Variants in FRY observed in about 807,000 individuals in gnomAD.
FRY encodes FRY microtubule binding protein.
Under a neutral mutation model 348.4 loss-of-function variants are expected in FRY, and 128 were observed. That is an observed-to-expected ratio of 0.37 (90% CI 0.32 to 0.43). The LOEUF is 0.43. Among genes scored for constraint, FRY ranks in the 20% least tolerant of loss-of-function variants. FRY has a pLI of 1.00. For synonymous variants in FRY, 1,370 were observed against 1,374.7 expected, an observed-to-expected ratio of 1.00 and a Z score of 0.08; for missense variants, 2,736 against 3,695.2, an observed-to-expected ratio of 0.74 and a Z score of 6.73.
At chr13:32,042,034 A>G (rs1285932619) in intron 1 of FRY, among the ~76,000 whole-genome samples, 1 of 152,252 alleles carries the variant, frequency 6.6e-6, no homozygotes, top group Non-Finnish European at 1.5e-5. Flanking sequence ...AATCCATTTT[A>G]TCTTAGCTTC....
At chr13:32,169,126 A>G (rs993150931) in intron 17 of FRY, among the ~76,000 whole-genome samples, 1 of 152,136 alleles carries the variant, frequency 6.6e-6, no homozygotes, top group Non-Finnish European at 1.5e-5. Context: ...CTGAGTTCTA[A>G]ATATCTTTGG....
In FRY at chr13:32,185,047, G is replaced by T; in HGVS notation, c.3218G>T (p.Arg1073Leu). 1 of 1,613,070 alleles carries T rather than the reference G, an allele frequency of 6.2e-7. No homozygotes were observed. The highest frequency in any genetic ancestry group is 8.5e-7 in the Non-Finnish European group (1 of 1,179,116). The change falls in exon 26 of 61, where the codon CGC (arginine) becomes CTC (leucine). Residue 1073 changes from arginine to leucine, a missense_variant. Physicochemically the swap from Arg to Leu is moderately radical, Grantham distance 102. Around this residue, in one of 9 missense-constraint regions of FRY, gnomAD observed 449 missense variants for 576.9 expected, o/e 0.78. Coordinates refer to ENST00000542859, the MANE Select transcript of FRY (RefSeq NM_023037.3). ...ALFLEYVDLT[R>L]MLLEAENDKE... The stretch of plus-strand genomic sequence containing the variant: ...TTCTTAGAATATGTGGACTTGACCC[G>T]CATGCTCCTAGAAGCTGAAAATGAC...
At chr13:32,292,517 G>A (rs994807722) in intron 59 of FRY, among the ~76,000 whole-genome samples, 1 of 152,026 alleles carries the variant, frequency 6.6e-6, no homozygotes, top group Non-Finnish European at 1.5e-5. Flanking sequence ...ACTTTGGCAG[G>A]GTGCGGTGGC....
Position 32,079,047 on chromosome 13 carries a change from G to A in FRY, c.270+14G>A, listed in dbSNP as rs545616571. 2.0e-5 allele frequency: 31 copies of A among 1,573,030 alleles called. No homozygotes were observed. The highest frequency in any genetic ancestry group is 5.4e-5 in the African/African-American group (4 of 74,038). ...GCAGAGCCCCTGGTGAGTACATGCC[G>A]TGGAAACTGCCTCTTTGAAAATTCA... On this transcript the variant is annotated intron_variant, in intron 2 of 60. Coordinates refer to ENST00000542859, the MANE Select transcript of FRY (RefSeq NM_023037.3).
chr13:32,157,209 G>T (rs2138165593), intron 15 of FRY, 64 bp from the exon 16 acceptor site: 2 of 1,475,554 alleles, frequency 1.4e-6, no homozygotes, highest in South Asian at 2.3e-5. Flanking sequence ...TATAGAGGAT[G>T]AATAAATCAG....
chr13:32,102,114 T>C (rs1178745909), intron 3 of FRY, 98 bp downstream of exon 3: 1 of 778,620 alleles, frequency 1.3e-6, no homozygotes, highest in Non-Finnish European at 2.4e-6. Context: ...ATGAACATCC[T>C]CAAAAAGTAT....
At chr13:32,218,357 C>T (rs998353311) in intron 35 of FRY, among the ~76,000 whole-genome samples, 1 of 152,164 alleles carries the variant, frequency 6.6e-6, no homozygotes, top group African/African-American at 2.4e-5. Flanking sequence ...AGCTGAAAAA[C>T]CAACTGCTAA....
intron 33 of FRY, 140 bp from the exon 34 acceptor site, chr13:32,210,726 C>T (rs1266855334): frequency 4.1e-6 from 3 of 731,600 alleles, no homozygotes; most frequent in Admixed American, 2.0e-5. Flanking sequence ...CTTGGTCCAT[C>T]CTAGGATAGC....
At position 32,110,334 on chromosome 13, in the gene FRY, G is replaced by A. The variant is rs17077088; in HGVS notation, c.325-7000G>A. Among the ~76,000 whole-genome samples the A allele has an allele frequency of 8.0e-3, 1,214 of 152,142 alleles. 14 individuals carry two copies. The highest frequency in any genetic ancestry group is 0.028 in the African/African-American group (1,153 of 41,510). ...ATTTTACCTTCAAGTGGTTTTCTTCGTTGTACAGACATCTTTTTACAATAA... is the reference window on the plus strand; with the variant it reads ...ATTTTACCTTCAAGTGGTTTTCTTCATTGTACAGACATCTTTTTACAATAA... On this transcript the variant is annotated intron_variant, in intron 3 of 60. Transcript: ENST00000542859.
intron 50 of FRY, 176 bp from the exon 51 acceptor site, chr13:32,254,048 G>A (rs919596788): frequency 3.0e-6 from 2 of 663,190 alleles, no homozygotes; most frequent in Non-Finnish European, 5.3e-6. Flanking sequence ...TTTGCCACGA[G>A]TTTAATCTGA....
rs1479187231 is a variant in FRY, at chr13:32,252,055, G to A, written c.7245+103G>A. The A allele has an allele frequency of 4.9e-6, 4 of 813,108 alleles. No homozygotes were observed. In the Admixed American group the frequency reaches 6.9e-5, roughly 14 times the overall value. 50.4% of individuals were successfully genotyped at this position (813,108 alleles called of 1,614,324 possible). ...TAATTTAGAGGATTCAACTGTGAATGACAAGTATGATAGCCACCGTCTTGA... is the reference window on the plus strand; with the variant it reads ...TAATTTAGAGGATTCAACTGTGAATAACAAGTATGATAGCCACCGTCTTGA... On this transcript the variant is annotated intron_variant, in intron 50 of 60. Coordinates refer to ENST00000542859, the MANE Select transcript of FRY (RefSeq NM_023037.3).
intron 51 of FRY, among the ~76,000 whole-genome samples, chr13:32,256,203 A>C (rs922766205): frequency 3.3e-5 from 5 of 152,162 alleles, no homozygotes; most frequent in African/African-American, 1.2e-4. Flanking sequence ...ATAACTAAAA[A>C]ATCACAGTGA....
At chr13:32,224,764 G>A (rs1885493034) in intron 37 of FRY, among the ~76,000 whole-genome samples, 169 bp from the exon 38 acceptor site, 1 of 152,102 alleles carries the variant, frequency 6.6e-6, no homozygotes, top group Non-Finnish European at 1.5e-5. Context: ...GTTTCTTATT[G>A]TTGTGGAGCT....
At chr13:32,040,376 A>G (rs936052161) in intron 1 of FRY, among the ~76,000 whole-genome samples, 6 of 152,274 alleles carry the variant, frequency 3.9e-5, no homozygotes, top group Middle Eastern at 6.8e-3. Flanking sequence ...CAAACCTGAC[A>G]CTTGTCTGTC....
At chr13:32,088,596 T>C (rs1019780448) in intron 2 of FRY, among the ~76,000 whole-genome samples, 3 of 152,210 alleles carry the variant, frequency 2.0e-5, no homozygotes, top group African/African-American at 7.2e-5. Flanking sequence ...TGGAGACATG[T>C]AGATGAAACA....
At chr13:32,081,060 GTT>G (rs1875455611) in intron 2 of FRY, among the ~76,000 whole-genome samples, 1 of 152,182 alleles carries the variant, frequency 6.6e-6, no homozygotes, top group African/African-American at 2.4e-5. Flanking sequence ...TTTGCGTGGA[GTT>G]TGTTTTTTCT....
At chr13:32,087,569 A>G (rs17634577) in intron 2 of FRY, among the ~76,000 whole-genome samples, 4,019 of 152,338 alleles carry the variant, frequency 0.026, 62 homozygotes, top group Middle Eastern at 0.068. Context: ...AGTGACATAC[A>G]TACTCATCCC....
In FRY at chr13:32,254,346, A is replaced by G; in HGVS notation, c.7368A>G (p.Arg2456=). The part of the protein sequence containing the change: ...MDDTNSEQQF[R]VFRDFDFLDV... ...ACACAAACAGCGAGCAGCAGTTTAG[A>G]GTCTTCAGAGACTTCGACTTCCTAG... The change falls in exon 51 of 61, where the codon AGA becomes AGG. Residue 2456 remains arginine (R), a synonymous_variant. Coordinates refer to ENST00000542859, the MANE Select transcript of FRY (RefSeq NM_023037.3). The G allele has an allele frequency of 6.2e-7, 1 of 1,614,118 alleles. No individual in the cohort carries two copies. Among genetic ancestry groups the G allele is most frequent in the South Asian group, 1.1e-5 (1 of 91,084 alleles).
At chr13:32,043,006 A>G (rs1872822330) in intron 1 of FRY, among the ~76,000 whole-genome samples, 1 of 152,248 alleles carries the variant, frequency 6.6e-6, no homozygotes, top group Non-Finnish European at 1.5e-5. Flanking sequence ...CTGCTGATAA[A>G]GACAAACCCT....
Sources: gnomAD v4.1 joint callset for allele counts (sites outside exome capture counted in the v4.1 genomes callset) on GRCh38, gnomAD v4.1.1 for gene constraint, gnomAD v4.1.1 regional missense constraint, MANE v1.5 for transcripts, NCBI Gene and HGNC (gene_info 2026-07-23, HGNC 2026-07-21) for gene names.